The following SBNO2 variants were observed in gnomAD, a reference collection of about 807,000 sequenced individuals.
The protein encoded by SBNO2 is strawberry notch homolog 2.
A neutral mutation model predicts 146.3 loss-of-function variants in SBNO2; 89 were observed. That is an observed-to-expected ratio of 0.61 (90% CI 0.51 to 0.73). The LOEUF is 0.73. Among genes scored for constraint, SBNO2 ranks in the 30% least tolerant of loss-of-function variants. SBNO2 has a pLI of 0.00. For missense variants in SBNO2, 2,092 were observed against 2,003.7 expected (o/e 1.04, Z -0.84); for synonymous variants, 1,147 against 892.6 (o/e 1.29, Z -5.08).
rs1400308010 is a variant in SBNO2 at position 1,132,010 on chromosome 19, G to GCCCGGC, written c.280-4251_280-4246dup. 2.8e-5 allele frequency: 32 copies of GCCCGGC among 1,123,676 alleles called. No homozygotes were observed. In the East Asian group the frequency reaches 1.0e-3, roughly 35 times the overall value. 69.6% of individuals were successfully genotyped at this position (1,123,676 alleles called of 1,614,324 possible). A position where few individuals can be genotyped will look rare whatever the true frequency, so the allele number is the denominator to read the frequency against. ...GAGATGCCGGCTGCTCCGGCAGGGG[G>GCCCGGC]CCCGGCCGTCCTGAATGGGGTCCCA... On this transcript the variant is annotated intron_variant, in intron 4 of 31. Transcript: ENST00000361757.
chr19:1,133,681 C>G (rs1383103142), intron 4 of SBNO2, among the ~76,000 whole-genome samples: 1 of 152,222 alleles, frequency 6.6e-6, no homozygotes, highest in African/African-American at 2.4e-5. Flanking sequence ...GGGAAGAAAC[C>G]CACGGAGCCG....
At position 1,115,727 on chromosome 19, in the gene SBNO2, G is replaced by A. The variant is rs532921947; in HGVS notation, c.1885+294C>T. 1.6e-4 allele frequency: 84 copies of A among 519,208 alleles called. 1 individual carries two copies. Among genetic ancestry groups the A allele is most frequent in the South Asian group, 6.3e-4 (28 of 44,218 alleles). The allele number at this position is 519,208 out of a possible 1,614,324, so 32.2% of individuals were successfully genotyped here. A position where few individuals can be genotyped will look rare whatever the true frequency, so the allele number is the denominator to read the frequency against. On this transcript the variant is annotated intron_variant, in intron 17 of 31. Coordinates refer to ENST00000361757, the MANE Select transcript of SBNO2 (RefSeq NM_014963.3). ...ACCGTGGAGACCCTGAAAACGGAAG[G>A]TGGGAGGGGTCTCGCTCAGCACCCG...
intron 17 of SBNO2, 136 bp downstream of exon 17, chr19:1,115,885 G>A: frequency 1.3e-6 from 1 of 751,040 alleles, no homozygotes; most frequent in Non-Finnish European, 2.3e-6. Flanking sequence ...GGAGCCTTGA[G>A]CCTGCCTGGC....
intron 4 of SBNO2, among the ~76,000 whole-genome samples, chr19:1,130,319 G>A (rs144313935): frequency 3.6e-4 from 55 of 152,232 alleles, no homozygotes; most frequent in African/African-American, 1.3e-3. Flanking sequence ...CAGCTTTTCT[G>A]TCATTCTAAA....
At position 1,144,685 on chromosome 19, in the gene SBNO2, G is replaced by A. The variant is rs1479677900; in HGVS notation, c.279+2624C>T. Among the ~76,000 whole-genome samples the A allele has an allele frequency of 6.6e-6, 1 of 151,756 alleles. No individual in the cohort carries two copies. The highest frequency in any genetic ancestry group is 1.5e-5 in the Non-Finnish European group (1 of 67,944). ...AGAGGGAAACAGACGAAGACAGAGA[G>A]GGCGACAGAGACAGAGAGGGAAACA... On this transcript the variant is annotated intron_variant, in intron 4 of 31. Transcript: ENST00000361757. The surrounding 1 kb of genome is among the most constrained non-coding windows in gnomAD (Gnocchi z 4.1).
In SBNO2 at chr19:1,128,518, G is replaced by C. The variant is rs558122273; in HGVS notation, c.280-753C>G. On this transcript the variant is annotated intron_variant, in intron 4 of 31. Coordinates refer to ENST00000361757, the MANE Select transcript of SBNO2 (RefSeq NM_014963.3). ...AGCGATTCTCCTGCCTCAGCCTCCC[G>C]AGTAGCTGGGATTACAGGCACGTGC... 3.3e-5 allele frequency among the ~76,000 whole-genome samples: 5 copies of C among 151,782 alleles called. No homozygotes were observed. In the South Asian group the frequency reaches 6.2e-4, roughly 19 times the overall value.
intron 4 of SBNO2, among the ~76,000 whole-genome samples, chr19:1,139,147 A>G (rs1026203244): frequency 6.6e-6 from 1 of 152,250 alleles, no homozygotes; most frequent in Non-Finnish European, 1.5e-5. Flanking sequence ...GTGCCGGAAC[A>G]CGGCTCAGCC....
rs2079968270 is a variant in SBNO2, at chr19:1,126,594, G to A, written c.441+1010C>T. Among the ~76,000 whole-genome samples the A allele has an allele frequency of 6.6e-6, 1 of 152,122 alleles. No individual in the cohort carries two copies. Among genetic ancestry groups the A allele is most frequent in the Non-Finnish European group, 1.5e-5 (1 of 68,012 alleles). ...CCGTGAGCCACCCACCGTGGCTGCG[G>A]GGTGCCCTGATGCTTCCTGCCTGGG... On this transcript the variant is annotated intron_variant, in intron 5 of 31. Coordinates refer to ENST00000361757, the MANE Select transcript of SBNO2 (RefSeq NM_014963.3). This position sits in a 1 kb window ranked among gnomAD's most constrained non-coding sequence, Gnocchi z 4.4.
rs368401240 is a variant in SBNO2 at position 1,119,937 on chromosome 19, G to C, written c.1236C>G (p.Pro412=). 5 of 1,549,680 alleles carry C rather than the reference G, an allele frequency of 3.2e-6. No individual in the cohort carries two copies. The highest frequency in any genetic ancestry group is 4.4e-6 in the Non-Finnish European group (5 of 1,147,058). ...KAVLDLQNKL[P]LARVVYASAT... ...CGCTGGCGTAGACCACGCGGGCCAG[G>C]GGCAGCTTGTTCTGCAGGTCTAGCA... Residue 412 remains proline (P), a synonymous_variant, in exon 12 of 32, where the codon CCC becomes CCG. Transcript: ENST00000361757.
At position 1,149,456 on chromosome 19, in the gene SBNO2, CGGGCATCAGT is replaced by C; in HGVS notation, c.94-24_94-15del. 2 of 1,549,988 alleles carry C rather than the reference CGGGCATCAGT, an allele frequency of 1.3e-6. No homozygotes were observed. Among genetic ancestry groups the C allele is most frequent in the East Asian group, 4.9e-5 (2 of 41,050 alleles). On this transcript the variant is annotated splice_polypyrimidine_tract_variant and intron_variant, in intron 2 of 31. Coordinates refer to ENST00000361757, the MANE Select transcript of SBNO2 (RefSeq NM_014963.3). ...CAGCATGGCGCTCTAGAAGAGACAG[CGGGCATCAGT>C]GAGTGGGAAGCAGAGGACCTGCGGT...
Position 1,119,988 on chromosome 19 carries a change from G to A in SBNO2, c.1185C>T (p.Ala395=), listed in dbSNP as rs776772115. The A allele has an allele frequency of 2.4e-5, 38 of 1,551,182 alleles. No individual in the cohort carries two copies. The highest frequency in any genetic ancestry group is 1.7e-4 in the Middle Eastern group (1 of 6,012). The change falls in exon 12 of 32, where the codon GCC becomes GCT. Residue 395 remains alanine, a synonymous_variant. Coordinates refer to ENST00000361757, the MANE Select transcript of SBNO2 (RefSeq NM_014963.3). ...CAGCCTTGCCCATCTTGGTGGAGCC[G>A]GCATTCTTGGCTTTGTGACACTCGT... The part of the protein sequence containing the change: ...VFDECHKAKN[A]GSTKMGKAVL...
Position 1,122,546 on chromosome 19 carries a change from G to A in SBNO2, c.927C>T (p.Ser309=). The part of the protein sequence containing the change: ...GRKKALWFSV[S]NDLKYDAERD... ...GCTCCGCATCGTACTTGAGGTCGTT[G>A]GAGACGCTGAACCTGCGGGGTGGGG... Residue 309 remains serine (S), a synonymous_variant, in exon 10 of 32, where the codon TCC becomes TCT. Transcript: ENST00000361757. 6.5e-7 allele frequency: 1 copy of A among 1,547,848 alleles called. No homozygotes were observed. Among genetic ancestry groups the A allele is most frequent in the Non-Finnish European group, 8.7e-7 (1 of 1,147,894 alleles).
Position 1,119,056 on chromosome 19 carries a change from C to G in SBNO2, c.1482G>C (p.Pro494=), listed in dbSNP as rs201301031. ...SGVTFRIEEI[P]LAPAFECVYN... ...AGACGCACTCGAAGGCTGGGGCCAG[C>G]GGGATCTCCTCGATGCGGAAGGTGA... The change falls in exon 14 of 32, where the codon CCG becomes CCC. Residue 494 remains proline (P), a synonymous_variant. Coordinates refer to ENST00000361757, the MANE Select transcript of SBNO2 (RefSeq NM_014963.3). 1 of 1,605,226 alleles carries G rather than the reference C, an allele frequency of 6.2e-7. No homozygotes were observed.
chr19:1,168,175 C>T (rs527679302), intron 1 of SBNO2, among the ~76,000 whole-genome samples: 1 of 152,296 alleles, frequency 6.6e-6, no homozygotes, highest in South Asian at 2.1e-4. Flanking sequence ...GCAATTCAAG[C>T]ATCCACACCC....
intron 5 of SBNO2, among the ~76,000 whole-genome samples, chr19:1,124,355 G>A (rs28622051): frequency 0.033 from 5,002 of 152,314 alleles, 284 homozygotes; most frequent in African/African-American, 0.11. Flanking sequence ...TTGGTCCCGC[G>A]GGAGCTGCCA....
chr19:1,145,539 G>A (rs1489051885), intron 4 of SBNO2, among the ~76,000 whole-genome samples: 4 of 152,016 alleles, frequency 2.6e-5, no homozygotes, highest in Admixed American at 2.6e-4. Flanking sequence ...GGCAGAGAAG[G>A]GGTGAAAGAG....
intron 14 of SBNO2, 120 bp downstream of exon 14, chr19:1,118,890 AC>A: frequency 9.7e-7 from 1 of 1,030,364 alleles, no homozygotes; most frequent in Non-Finnish European, 1.4e-6. Context: ...CAAAAAAAAA[AC>A]CCCAGGACAG....
rs546331670 is a variant in SBNO2 at position 1,174,246 on chromosome 19, T to A, written c.-201A>T. The A allele has an allele frequency of 8.6e-5, 13 of 151,548 alleles. No homozygotes were observed. The highest frequency in any genetic ancestry group is 1.3e-4 in the Non-Finnish European group (9 of 67,850). The allele number at this position is 151,548 out of a possible 1,614,324, so 9.4% of individuals were successfully genotyped here. A position where few individuals can be genotyped will look rare whatever the true frequency, so the allele number is the denominator to read the frequency against. ...GAGCCTCGCAGCTGCCGCCGCTCAC[T>A]TCCGGGTTTCGGGCGCCATCTTGGG... On this transcript the variant is annotated 5_prime_UTR_variant, in exon 1 of 32. The change creates a new upstream start codon in the 5' untranslated region. Coordinates refer to ENST00000361757, the MANE Select transcript of SBNO2 (RefSeq NM_014963.3).
chr19:1,126,211 T>C lies in SBNO2; in HGVS notation c.441+1393A>G, dbSNP rs1043865763. ...CACTAGGAACACTCCTGAGGGTTTT[T>C]AAAGAAAGTGGAAGCGTGGCACAGG... On this transcript the variant is annotated intron_variant, in intron 5 of 31. Coordinates refer to ENST00000361757, the MANE Select transcript of SBNO2 (RefSeq NM_014963.3). This position sits in a 1 kb window ranked among gnomAD's most constrained non-coding sequence, Gnocchi z 4.4. Among the ~76,000 whole-genome samples the C allele has an allele frequency of 6.6e-6, 1 of 152,200 alleles. No individual in the cohort carries two copies. The highest frequency in any genetic ancestry group is 1.5e-5 in the Non-Finnish European group (1 of 68,016).
Sources: allele counts gnomAD v4.1 joint callset (sites outside exome capture counted in the v4.1 genomes callset), GRCh38; gene constraint gnomAD v4.1.1; non-coding constraint Gnocchi (gnomAD v3.1); transcripts MANE v1.5; gene names NCBI Gene and HGNC (gene_info 2026-07-23, HGNC 2026-07-21).